Variants in PPP1R12C observed in about 807,000 individuals in gnomAD.
PPP1R12C encodes leukocyte receptor cluster (LRC) encoded novel gene 3.
Under a neutral mutation model 95.6 loss-of-function variants are expected in PPP1R12C, and 48 were observed. The observed-to-expected ratio is 0.50, with a 90% confidence interval of 0.40 to 0.64. The LOEUF (loss-of-function observed/expected upper bound fraction) is 0.64. Ranked by LOEUF, PPP1R12C falls within the 30% of genes least tolerant of loss-of-function variation. The probability of loss-of-function intolerance (pLI) is 0.00; values close to 1 mark genes in which losing one functional copy is unlikely to be tolerated. For missense variants in PPP1R12C, 1,057 were observed against 1,083.3 expected (o/e 0.98, Z 0.34); for synonymous variants, 480 against 460.8 (o/e 1.04, Z -0.53).
At chr19:55,116,760 A>G (rs2085158270) in intron 1 of PPP1R12C, among the ~76,000 whole-genome samples, 1 of 151,880 alleles carries the variant, frequency 6.6e-6, no homozygotes, top group South Asian at 2.1e-4. Flanking sequence ...GATAGACCAG[A>G]CTGAGCTATG....
intron 8 of PPP1R12C, 42 bp from the exon 9 acceptor site, chr19:55,095,982 T>C: frequency 1.2e-6 from 2 of 1,609,204 alleles, no homozygotes; most frequent in Non-Finnish European, 1.7e-6. Flanking sequence ...AAGATGCCAG[T>C]TGCCTCTAGA....
intron 3 of PPP1R12C, 87 bp downstream of exon 3, chr19:55,112,380 G>T: frequency 8.2e-7 from 1 of 1,223,682 alleles, no homozygotes; most frequent in Non-Finnish European, 1.1e-6. Context: ...GTCAGCCTCG[G>T]TGCCCAGGCC....
At position 55,092,858 on chromosome 19, in the gene PPP1R12C, G is replaced by C. The variant is rs751108229; in HGVS notation, c.1836C>G (p.Pro612=). ...SDSPAQRAEA[P]DGQGPGPQAA... is the part of the protein sequence containing the mutation. Reference sequence around the variant, plus strand: ...CCTGCGGTCCCGGACCCTGCCCGTCGGGCGCCTCTGCTGGGGGAGGGGCAG... The same window carrying C: ...CCTGCGGTCCCGGACCCTGCCCGTCCGGCGCCTCTGCTGGGGGAGGGGCAG... The change falls in exon 16 of 22, where the codon CCC becomes CCG. Residue 612 remains proline (P), a synonymous_variant. Coordinates refer to ENST00000263433, the MANE Select transcript of PPP1R12C (RefSeq NM_017607.4). 18 of 1,584,122 alleles carry C rather than the reference G, an allele frequency of 1.1e-5. No homozygotes were observed. Among genetic ancestry groups the C allele is most frequent in the African/African-American group, 2.7e-5 (2 of 74,236 alleles).
rs924361760 is a variant in PPP1R12C, at chr19:55,092,722, G to A, written c.1912-60C>T. 1.8e-5 allele frequency: 28 copies of A among 1,530,730 alleles called. No homozygotes were observed. The East Asian group carries it at 6.3e-4, about 34-fold the overall frequency. The allele number at this position is 1,530,730 out of a possible 1,614,324, so 94.8% of individuals were successfully genotyped here. On this transcript the variant is annotated intron_variant, in intron 16 of 21. Transcript: ENST00000263433. ...GGAGGGACTTTAGCGGGTATGGGAA[G>A]GGCTTTGCCCGCCCCCCGGCCCACC...
At chr19:55,113,489 A>C in intron 1 of PPP1R12C, 1 of 1,459,080 alleles carries the variant, frequency 6.9e-7, no homozygotes, top group Non-Finnish European at 9.0e-7. Context: ...ACCGTTTCTC[A>C]TTCTTCCCTT....
Position 55,092,838 on chromosome 19 carries a change from G to A in PPP1R12C, c.1856C>T (p.Pro619Leu). 1 of 1,571,642 alleles carries A rather than the reference G, an allele frequency of 6.4e-7. No individual in the cohort carries two copies. ...AEAPDGQGPG[P>L]QAAREHRKVG... ...CTTGCGGTGCTCCCTGGCCGCCTGC[G>A]GTCCCGGACCCTGCCCGTCGGGCGC... The change falls in exon 16 of 22, where the codon CCG becomes CTG. Residue 619 changes from proline to leucine, a missense_variant. Physicochemically the swap from Pro to Leu is moderately conservative, Grantham distance 98. Coordinates refer to ENST00000263433, the MANE Select transcript of PPP1R12C (RefSeq NM_017607.4).
intron 1 of PPP1R12C, chr19:55,113,216 T>TTCAGACCCAGGGGTCCAGGCCCAGCCCC: frequency 2.0e-6 from 1 of 511,238 alleles, no homozygotes; most frequent in South Asian, 3.9e-5. Flanking sequence ...CAGCCCCTCC[T>TTCAGACCCAGGGGTCCAGGCCCAGCCCC]GCCTTAAACC....
rs369974674 is a variant in PPP1R12C, at chr19:55,094,446, G to C, written c.1593-11C>G. ...GGCATCTGGTAGGACCTGAGGGAAG[G>C]GTCCCAACCTCAGACAGGGAACCTG... On this transcript the variant is annotated splice_polypyrimidine_tract_variant and intron_variant, in intron 12 of 21. Transcript: ENST00000263433. 1.2e-6 allele frequency: 2 copies of C among 1,613,478 alleles called. No homozygotes were observed. Among genetic ancestry groups the C allele is most frequent in the Non-Finnish European group, 1.7e-6 (2 of 1,179,918 alleles).
chr19:55,097,339 TCAC>T (rs1421704214), intron 6 of PPP1R12C, among the ~76,000 whole-genome samples: 2 of 112,272 alleles, frequency 1.8e-5, no homozygotes, highest in Admixed American at 9.7e-5. Flanking sequence ...TCCCTGCAGT[TCAC>T]CACCGTCTTC....
intron 6 of PPP1R12C, 144 bp from the exon 7 acceptor site, chr19:55,096,479 C>T: frequency 2.0e-6 from 2 of 981,996 alleles, no homozygotes; most frequent in Non-Finnish European, 3.1e-6. Context: ...CAGATGGCCA[C>T]ACACCTCAGG....
Position 55,103,450 on chromosome 19 carries a change from G to T in PPP1R12C, c.690C>A (p.Ala230=). The T allele has an allele frequency of 6.3e-7, 1 of 1,587,880 alleles. No homozygotes were observed. Among genetic ancestry groups the T allele is most frequent in the Non-Finnish European group, 8.6e-7 (1 of 1,161,572 alleles). Residue 230 remains alanine, a synonymous_variant, in exon 4 of 22, where the codon GCC becomes GCA. Coordinates refer to ENST00000263433, the MANE Select transcript of PPP1R12C (RefSeq NM_017607.4). ...EARHPRTGAS[A]LHVAAAKGYI... ...AGCCCTTGGCAGCAGCCACGTGCAG[G>T]GCAGAGGCGCCTGTGCGGGGGTGCC... is the stretch of plus-strand genomic sequence containing the variant.
chr19:55,101,861 G>A (rs1198051717), intron 4 of PPP1R12C, among the ~76,000 whole-genome samples: 2 of 152,110 alleles, frequency 1.3e-5, no homozygotes, highest in Admixed American at 1.3e-4. Context: ...GCTGTTACGG[G>A]TGCTAGGCCG....
Position 55,091,848 on chromosome 19 carries a change from C to T in PPP1R12C, c.2211+11G>A, listed in dbSNP as rs749974992. On this transcript the variant is annotated intron_variant, in intron 20 of 21. Coordinates refer to ENST00000263433, the MANE Select transcript of PPP1R12C (RefSeq NM_017607.4). Reference sequence around the variant, plus strand: ...ACGCCTCTGGCCCCCATCCCCACTGCCCCTACTCACGAATCTCTCCAGTTC... The same window carrying T: ...ACGCCTCTGGCCCCCATCCCCACTGTCCCTACTCACGAATCTCTCCAGTTC... 1 of 1,613,422 alleles carries T rather than the reference C, an allele frequency of 6.2e-7. No homozygotes were observed. Among genetic ancestry groups the T allele is most frequent in the Non-Finnish European group, 8.5e-7 (1 of 1,179,976 alleles).
Position 55,091,531 on chromosome 19 carries a change from G to T in PPP1R12C, c.2290C>A (p.Gln764Lys). The T allele has an allele frequency of 6.2e-7, 1 of 1,613,922 alleles. No homozygotes were observed. Among genetic ancestry groups the T allele is most frequent in the Non-Finnish European group, 8.5e-7 (1 of 1,179,978 alleles). The change falls in exon 22 of 22, where the codon CAG becomes AAG. Residue 764 changes from glutamine (Q) to lysine (K), a missense_variant. By Grantham distance (53) the Gln-to-Lys change is moderately conservative. Around this residue, in one of 5 missense-constraint regions of PPP1R12C, gnomAD observed 347 missense variants for 307.9 expected, o/e 1.13. Transcript: ENST00000263433. ...KALSDLRADN[Q>K]RLKDENAALI... Reference sequence around the variant, plus strand: ...GCTGCATTCTCATCCTTGAGGCGCTGGTTGTCAGCGCGGAGGTCAGACAGG... The same window carrying T: ...GCTGCATTCTCATCCTTGAGGCGCTTGTTGTCAGCGCGGAGGTCAGACAGG...
In PPP1R12C at chr19:55,091,460, A is replaced by G; in HGVS notation, c.*12T>C. 6.2e-7 allele frequency: 1 copy of G among 1,611,552 alleles called. No homozygotes were observed. Among genetic ancestry groups the G allele is most frequent in the East Asian group, 2.2e-5 (1 of 44,868 alleles). On this transcript the variant is annotated 3_prime_UTR_variant, in exon 22 of 22. Coordinates refer to ENST00000263433, the MANE Select transcript of PPP1R12C (RefSeq NM_017607.4). Reference sequence around the variant, plus strand: ...AGCTGTATAAATACGGGTGCGGGAAAGTCCCTCCGGGTCACTTGGAGAGTT... The same window carrying G: ...AGCTGTATAAATACGGGTGCGGGAAGGTCCCTCCGGGTCACTTGGAGAGTT...
chr19:55,094,536 C>T (rs922621035), intron 12 of PPP1R12C, 101 bp from the exon 13 acceptor site: 12 of 1,573,184 alleles, frequency 7.6e-6, no homozygotes, highest in Non-Finnish European at 1.0e-5. Context: ...GAGGGGACTC[C>T]AACTCCCAGC....
chr19:55,091,925 A>G lies in PPP1R12C; in HGVS notation c.2161-16T>C, dbSNP rs1337004504. Reference sequence around the variant, plus strand: ...GTTCTTGCCTCTGGTGAGGACACAGAAAGCACAGGGGTCAGCAGAAGAAGC... The same window carrying G: ...GTTCTTGCCTCTGGTGAGGACACAGGAAGCACAGGGGTCAGCAGAAGAAGC... On this transcript the variant is annotated splice_polypyrimidine_tract_variant and intron_variant, in intron 19 of 21. Coordinates refer to ENST00000263433, the MANE Select transcript of PPP1R12C (RefSeq NM_017607.4). The G allele has an allele frequency of 6.2e-7, 1 of 1,612,922 alleles. No homozygotes were observed. Among genetic ancestry groups the G allele is most frequent in the Non-Finnish European group, 8.5e-7 (1 of 1,179,886 alleles).
In PPP1R12C at chr19:55,092,803, C is replaced by T. The variant is rs1006305878; in HGVS notation, c.1891G>A (p.Glu631Lys). 5.8e-6 allele frequency: 9 copies of T among 1,561,120 alleles called. No individual in the cohort carries two copies. The Admixed American group carries it at 7.7e-5, about 13-fold the overall frequency. Residue 631 changes from glutamate to lysine, a missense_variant, in exon 16 of 22, where the codon GAG (glutamate) becomes AAG (lysine). Physicochemically the swap from Glu to Lys is moderately conservative, Grantham distance 56. Coordinates refer to ENST00000263433, the MANE Select transcript of PPP1R12C (RefSeq NM_017607.4). ...CTCACCTCCGCAGGCCCCCTCCACT[C>T]CTTTCCGACCTTGCGGTGCTCCCTG... ...AAREHRKVGK[E>K]WRGPAEGEEA... is the part of the protein sequence containing the mutation.
At chr19:55,104,433 C>T (rs1479318303) in intron 3 of PPP1R12C, among the ~76,000 whole-genome samples, 2 of 151,004 alleles carry the variant, frequency 1.3e-5, no homozygotes. Flanking sequence ...GGTGGCACAA[C>T]GGCTCATGCC....
Sources: gnomAD v4.1 joint callset for allele counts (sites outside exome capture counted in the v4.1 genomes callset) on GRCh38, gnomAD v4.1.1 for gene constraint, gnomAD v4.1.1 regional missense constraint, MANE v1.5 for transcripts, NCBI Gene and HGNC (gene_info 2026-07-23, HGNC 2026-07-21) for gene names.